The following CR1 variants were observed in gnomAD, a reference collection of about 807,000 sequenced individuals.
CR1 encodes complement receptor type 1.
Under a neutral mutation model 187.3 loss-of-function variants are expected in CR1, and 116 were observed. The observed-to-expected ratio is 0.62, with a 90% confidence interval of 0.53 to 0.72. The LOEUF (loss-of-function observed/expected upper bound fraction) is 0.72. Ranked by LOEUF, CR1 falls within the 30% of genes least tolerant of loss-of-function variation. CR1 has a pLI of 0.00. For synonymous variants in CR1, 576 were observed against 747.1 expected (o/e 0.77, Z 3.73); for missense variants, 1,731 against 2,110.7 (o/e 0.82, Z 3.52).
chr1:207,510,211 A>T (rs1379031570), intron 3 of CR1, among the ~76,000 whole-genome samples: 2 of 152,210 alleles, frequency 1.3e-5, no homozygotes, highest in Non-Finnish European at 2.9e-5. Flanking sequence ...CTGTCTCAAA[A>T]AAAAAGAACA....
intron 46 of CR1, among the ~76,000 whole-genome samples, chr1:207,632,875 G>A (rs532549437): frequency 2.0e-5 from 3 of 149,600 alleles, no homozygotes; most frequent in Non-Finnish European, 4.4e-5. Flanking sequence ...TTTAGACTAT[G>A]TCTCCAAAGT....
rs1287910455 is a variant in CR1 at position 207,641,617 on chromosome 1, G to GAAGCTA, written c.*2209_*2214dup. On this transcript the variant is annotated 3_prime_UTR_variant, in exon 47 of 47. Coordinates refer to ENST00000367049, the MANE Select transcript of CR1 (RefSeq NM_000651.6). ...AGGGGCTGGACACCAATTGCCCTAT[G>GAAGCTA]AAGCTATTGCTAGTCCTAACATTCT... The GAAGCTA allele has an allele frequency of 6.6e-6, 1 of 152,196 alleles. No individual in the cohort carries two copies. 9.4% of individuals were successfully genotyped at this position (152,196 alleles called of 1,614,324 possible). A position where few individuals can be genotyped will look rare whatever the true frequency, so the allele number is the denominator to read the frequency against.
chr1:207,624,986 C>G (rs1662436635), intron 45 of CR1, among the ~76,000 whole-genome samples: 1 of 152,138 alleles, frequency 6.6e-6, no homozygotes, highest in Non-Finnish European at 1.5e-5. Flanking sequence ...TATCTCCACC[C>G]TTCTAACTAT....
At chr1:207,616,888 CT>C in intron 41 of CR1, 86 bp downstream of exon 41, 1 of 1,535,498 alleles carries the variant, frequency 6.5e-7, no homozygotes, top group Non-Finnish European at 8.8e-7. Flanking sequence ...GTCATTTTTG[CT>C]TGTGAAAATG....
rs368483953 is a variant in CR1 at position 207,596,057 on chromosome 1, A to C, written c.5810+7283A>C. On this transcript the variant is annotated intron_variant, in intron 35 of 46. Coordinates refer to ENST00000367049, the MANE Select transcript of CR1 (RefSeq NM_000651.6). Reference sequence around the variant, plus strand: ...ATAAAATCTATATATCTATATCTATATATATCTATATCTATATCTATATAT... The same window carrying C: ...ATAAAATCTATATATCTATATCTATCTATATCTATATCTATATCTATATAT... Among the ~76,000 whole-genome samples, 459 of 146,156 alleles carry C rather than the reference A, an allele frequency of 3.1e-3. 5 individuals carry two copies. The highest frequency in any genetic ancestry group is 2.9e-3 in the Non-Finnish European group (194 of 66,588).
intron 1 of CR1, among the ~76,000 whole-genome samples, 153 bp downstream of exon 1, chr1:207,496,541 G>A (rs1393115734): frequency 3.3e-5 from 5 of 152,208 alleles, no homozygotes; most frequent in Non-Finnish European, 5.9e-5. Context: ...CCGGCAGGGC[G>A]GCGGGTGTAG....
intron 33 of CR1, among the ~76,000 whole-genome samples, chr1:207,586,768 T>A (rs969537185): frequency 2.0e-5 from 3 of 152,148 alleles, no homozygotes; most frequent in Non-Finnish European, 2.9e-5. Flanking sequence ...TCCCTCCACT[T>A]TTTCCCTGAT....
At chr1:207,517,462 G>T (rs1219952714) in intron 4 of CR1, among the ~76,000 whole-genome samples, 1 of 152,014 alleles carries the variant, frequency 6.6e-6, no homozygotes, top group Non-Finnish European at 1.5e-5. Flanking sequence ...AAGAGATCTT[G>T]GGTTATAATT....
chr1:207,630,400 T>G, intron 45 of CR1, 117 bp from the exon 46 acceptor site: 1 of 602,636 alleles, frequency 1.7e-6, no homozygotes, highest in East Asian at 3.1e-5. Context: ...CTTGCAAAGA[T>G]ATCAGGAACT....
intron 45 of CR1, among the ~76,000 whole-genome samples, chr1:207,625,170 T>C (rs1169346101): frequency 2.0e-5 from 3 of 152,242 alleles, no homozygotes; most frequent in South Asian, 2.1e-4. Flanking sequence ...TCTTTGGAAA[T>C]GATTGTCTTG....
At chr1:207,617,594 TATATATATATATATATATAGAGAGAGAG>T (rs1470108593) in intron 41 of CR1, among the ~76,000 whole-genome samples, 1,573 of 40,906 alleles carry the variant, frequency 0.038, 11 homozygotes, top group South Asian at 0.062. Context: ...TATATATATA[TATATATATATATATATATAGAGAGAGAG>T]AGAGAGAGAG....
At position 207,580,316 on chromosome 1, in the gene CR1, A is replaced by G; in HGVS notation, c.5013A>G (p.Glu1671=). 2 of 1,613,806 alleles carry G rather than the reference A, an allele frequency of 1.2e-6. No individual in the cohort carries two copies. The highest frequency in any genetic ancestry group is 8.5e-7 in the Non-Finnish European group (1 of 1,179,836). The change falls in exon 30 of 47, where the codon GAA becomes GAG. Residue 1671 remains glutamate (E), a synonymous_variant. Coordinates refer to ENST00000367049, the MANE Select transcript of CR1 (RefSeq NM_000651.6). ...SHQDNFSPGQ[E]VFYSCEPGYD... ...AGGACAACTTTTCACCTGGGCAGGA[A>G]GTGTTCTACAGCTGTGAGCCTGGCT...
chr1:207,506,530 G>GT (rs951818622), intron 2 of CR1, among the ~76,000 whole-genome samples, 184 bp from the exon 3 acceptor site: 27 of 152,200 alleles, frequency 1.8e-4, no homozygotes, highest in African/African-American at 5.1e-4. Flanking sequence ...TGAAAGGAAA[G>GT]TTTTTTTTGA....
intron 41 of CR1, among the ~76,000 whole-genome samples, chr1:207,617,567 ATG>A (rs1201411323): frequency 0.19 from 11,413 of 58,734 alleles, 1,470 homozygotes; most frequent in Non-Finnish European, 0.29. Context: ...GTGTATATAT[ATG>A]TGTGTGTGTA....
intron 45 of CR1, among the ~76,000 whole-genome samples, chr1:207,629,622 G>A (rs1378671109): frequency 1.3e-5 from 2 of 152,144 alleles, no homozygotes; most frequent in Non-Finnish European, 2.9e-5. Context: ...TGAGTGATGA[G>A]GAAACAGTGG....
intron 32 of CR1, among the ~76,000 whole-genome samples, 188 bp downstream of exon 32, chr1:207,582,191 C>T (rs145267674): frequency 6.6e-6 from 1 of 152,030 alleles, no homozygotes; most frequent in Non-Finnish European, 1.5e-5. Context: ...GTTTTGGGTA[C>T]CATCCTATAA....
chr1:207,523,443 T>C (rs1660059540), intron 4 of CR1, among the ~76,000 whole-genome samples, 168 bp from the exon 5 acceptor site: 1 of 152,192 alleles, frequency 6.6e-6, no homozygotes, highest in Non-Finnish European at 1.5e-5. Flanking sequence ...GCAGGACACA[T>C]CATATTATGC....
chr1:207,520,494 C>T (rs1411461644), intron 4 of CR1, among the ~76,000 whole-genome samples: 1 of 152,232 alleles, frequency 6.6e-6, no homozygotes, highest in African/African-American at 2.4e-5. Flanking sequence ...CCAATAAAGG[C>T]ATTGGCTGAT....
rs772741946 is a variant in CR1, at chr1:207,639,454, G to T, written c.*45G>T. ...AGAACATCTCGAATACAATTTTGGT[G>T]GGAAAGGAGCCAATTGATTTCAACA... On this transcript the variant is annotated 3_prime_UTR_variant, in exon 47 of 47. Transcript: ENST00000367049. The T allele has an allele frequency of 8.3e-6, 13 of 1,565,910 alleles. No individual in the cohort carries two copies. Among genetic ancestry groups the T allele is most frequent in the Middle Eastern group, 2.0e-4 (1 of 4,892 alleles).
Sources: gnomAD v4.1 joint callset for allele counts (sites outside exome capture counted in the v4.1 genomes callset) on GRCh38, gnomAD v4.1.1 for gene constraint, MANE v1.5 for transcripts, NCBI Gene and HGNC (gene_info 2026-07-23, HGNC 2026-07-21) for gene names.